TCF15: variants seen among roughly 807,000 people sequenced by gnomAD.
TCF15 encodes TCF-15.
A neutral mutation model predicts 11.1 loss-of-function variants in TCF15; 7 were observed. The ratio of observed to expected loss-of-function variants is 0.63; its 90% CI spans 0.36 to 1.19. The LOEUF is 1.19. Ranked by LOEUF, TCF15 falls within the 50% of genes most tolerant of loss-of-function variation. The pLI, the probability that TCF15 is intolerant of heterozygous loss-of-function variation, is 0.02. For missense variants in TCF15, 288 were observed against 289.4 expected (o/e 1.00, Z 0.03); for synonymous variants, 144 against 138.9 (o/e 1.04, Z -0.26).
chr20:608,121 G>A (rs887933517), intron 1 of TCF15, among the ~76,000 whole-genome samples: 2 of 152,136 alleles, frequency 1.3e-5, no homozygotes, highest in African/African-American at 4.8e-5. Flanking sequence ...ATGAGACACA[G>A]AAACCCTGTC....
chr20:609,047 G>C lies in TCF15; in HGVS notation c.525+666C>G, dbSNP rs45601331. On this transcript the variant is annotated intron_variant, in intron 1 of 1. Transcript: ENST00000246080. This position sits in a 1 kb window ranked among gnomAD's most constrained non-coding sequence, Gnocchi z 4.7. ...CCCTCTCCCAACACCACGTCCTTTT[G>C]GGGGCTGGGGACTCTCAGAGGGCCC... Among the ~76,000 whole-genome samples the C allele has an allele frequency of 5.1e-3, 780 of 152,174 alleles. 7 individuals carry two copies. Among genetic ancestry groups the C allele is most frequent in the African/African-American group, 0.018 (739 of 41,518 alleles).
chr20:607,073 G>A (rs777625944), intron 1 of TCF15, among the ~76,000 whole-genome samples: 11 of 152,180 alleles, frequency 7.2e-5, no homozygotes, highest in Non-Finnish European at 1.0e-4. Context: ...TAAAGCCTTG[G>A]CACAGTGTTG....
In TCF15 at chr20:610,192, G is replaced by A. The variant is rs1447741957; in HGVS notation, c.46C>T (p.Pro16Ser). Residue 16 changes from proline (P) to serine (S), a missense_variant, in exon 1 of 2, where the codon CCG (proline) becomes TCG (serine). Coordinates refer to ENST00000246080, the MANE Select transcript of TCF15 (RefSeq NM_004609.4). ...LRPVGAHVLYPDVRLLSEDEE... is the reference protein window; with the variant it reads ...LRPVGAHVLYSDVRLLSEDEE... ...TCCTCGCTCAGCAGCCGCACGTCCGGGTACAGCACGTGCGCGCCGACGGGC... is the reference window on the plus strand; with the variant it reads ...TCCTCGCTCAGCAGCCGCACGTCCGAGTACAGCACGTGCGCGCCGACGGGC... The A allele has an allele frequency of 9.6e-7, 1 of 1,043,178 alleles. No homozygotes were observed. The highest frequency in any genetic ancestry group is 1.2e-6 in the Non-Finnish European group (1 of 863,120). 64.6% of individuals were successfully genotyped at this position (1,043,178 alleles called of 1,614,324 possible).
intron 1 of TCF15, among the ~76,000 whole-genome samples, chr20:605,142 C>G (rs531283539): frequency 6.6e-6 from 1 of 152,178 alleles, no homozygotes; most frequent in Non-Finnish European, 1.5e-5. Context: ...AGGGGCCCAC[C>G]GCCACACCCG....
rs1182372651 is a variant in TCF15, at chr20:609,953, C to T, written c.285G>A (p.Leu95=). Residue 95 remains leucine (L), a synonymous_variant, in exon 1 of 2, where the codon CTG becomes CTA. Transcript: ENST00000246080. The surrounding 1 kb of genome is among the most constrained non-coding windows in gnomAD (Gnocchi z 4.7). ...TQSVNTAFTA[L]RTLIPTEPVD... ...CCGGCTCGGTGGGGATGAGCGTGCGCAGCGCCGTGAAGGCCGTGTTCACGC... is the reference window on the plus strand; with the variant it reads ...CCGGCTCGGTGGGGATGAGCGTGCGTAGCGCCGTGAAGGCCGTGTTCACGC... 6.7e-7 allele frequency: 1 copy of T among 1,490,974 alleles called. No homozygotes were observed. The highest frequency in any genetic ancestry group is 1.3e-5 in the South Asian group (1 of 76,046). The allele number at this position is 1,490,974 out of a possible 1,614,324, so 92.4% of individuals were successfully genotyped here. A position where few individuals can be genotyped will look rare whatever the true frequency, so the allele number is the denominator to read the frequency against.
Position 604,717 on chromosome 20 carries a change from A to G in TCF15, c.526-52T>C. On this transcript the variant is annotated intron_variant, in intron 1 of 1. Coordinates refer to ENST00000246080, the MANE Select transcript of TCF15 (RefSeq NM_004609.4). This position sits in a 1 kb window ranked among gnomAD's most constrained non-coding sequence, Gnocchi z 4.2. ...GAGGTTCGATTAGGCCAGTGTGAAC[A>G]CTGGAACTAACCTCTGTATCCCTCA... 7.3e-7 allele frequency: 1 copy of G among 1,378,526 alleles called. No homozygotes were observed. The highest frequency in any genetic ancestry group is 9.9e-7 in the Non-Finnish European group (1 of 1,014,598). The allele number at this position is 1,378,526 out of a possible 1,614,324, so 85.4% of individuals were successfully genotyped here.
At position 604,954 on chromosome 20, in the gene TCF15, A is replaced by T. The variant is rs889744932; in HGVS notation, c.526-289T>A. Among the ~76,000 whole-genome samples, 2 of 152,094 alleles carry T rather than the reference A, an allele frequency of 1.3e-5. No individual in the cohort carries two copies. The highest frequency in any genetic ancestry group is 2.9e-5 in the Non-Finnish European group (2 of 68,012). On this transcript the variant is annotated intron_variant, in intron 1 of 1. Transcript: ENST00000246080. The surrounding 1 kb of genome is among the most constrained non-coding windows in gnomAD (Gnocchi z 4.2). ...TTGTGAGTGGGTTTCTTCAGAGAGG[A>T]ATTTGATGATGGAGAGAGGATGGGA...
In TCF15 at chr20:609,406, T is replaced by G. The variant is rs2020002699; in HGVS notation, c.525+307A>C. 6.6e-6 allele frequency among the ~76,000 whole-genome samples: 1 copy of G among 152,200 alleles called. No individual in the cohort carries two copies. The highest frequency in any genetic ancestry group is 2.4e-5 in the African/African-American group (1 of 41,456). On this transcript the variant is annotated intron_variant, in intron 1 of 1. Transcript: ENST00000246080. The surrounding 1 kb of genome is among the most constrained non-coding windows in gnomAD (Gnocchi z 4.7). ...AGGAAGACTCCATAAAAGATGGGTC[T>G]TTGTTACTCAGTCCTCATGCCGTCT...
chr20:609,613 G>A lies in TCF15; in HGVS notation c.525+100C>T. The stretch of plus-strand genomic sequence containing the variant: ...CACGAATTCCACGTCGCTTCCCCCT[G>A]GCCTCGTTGGGGACCCCTGCACCTC... On this transcript the variant is annotated intron_variant, in intron 1 of 1. Coordinates refer to ENST00000246080, the MANE Select transcript of TCF15 (RefSeq NM_004609.4). This position sits in a 1 kb window ranked among gnomAD's most constrained non-coding sequence, Gnocchi z 4.7. 1 of 1,265,060 alleles carries A rather than the reference G, an allele frequency of 7.9e-7. No homozygotes were observed. The allele number at this position is 1,265,060 out of a possible 1,614,324, so 78.4% of individuals were successfully genotyped here. A position where few individuals can be genotyped will look rare whatever the true frequency, so the allele number is the denominator to read the frequency against.
chr20:608,417 T>C (rs1048339356), intron 1 of TCF15, among the ~76,000 whole-genome samples: 1 of 152,046 alleles, frequency 6.6e-6, no homozygotes, highest in African/African-American at 2.4e-5. Context: ...GGCCCTCCCA[T>C]CCCAGGAAGC....
chr20:610,171 C>G lies in TCF15; in HGVS notation c.67G>C (p.Glu23Gln). 1 of 1,054,958 alleles carries G rather than the reference C, an allele frequency of 9.5e-7. No homozygotes were observed. Among genetic ancestry groups the G allele is most frequent in the Non-Finnish European group, 1.2e-6 (1 of 869,328 alleles). The allele number at this position is 1,054,958 out of a possible 1,614,324, so 65.3% of individuals were successfully genotyped here. ...CTCTCGCTGCGGTTCTCCTCGTCCTCGCTCAGCAGCCGCACGTCCGGGTAC... is the reference window on the plus strand; with the variant it reads ...CTCTCGCTGCGGTTCTCCTCGTCCTGGCTCAGCAGCCGCACGTCCGGGTAC... ...VLYPDVRLLS[E>Q]DEENRSESDA... The change falls in exon 1 of 2, where the codon GAG (glutamate) becomes CAG (glutamine). Residue 23 changes from glutamate to glutamine, a missense_variant. By Grantham distance (29) the Glu-to-Gln change is conservative (BLOSUM62 2). Transcript: ENST00000246080.
At chr20:606,094 G>A (rs2019972288) in intron 1 of TCF15, among the ~76,000 whole-genome samples, 2 of 152,168 alleles carry the variant, frequency 1.3e-5, no homozygotes, top group Admixed American at 1.3e-4. Context: ...GATCCATCCA[G>A]ATGCGAGCCC....
chr20:610,073 G>T lies in TCF15; in HGVS notation c.165C>A (p.Gly55=). 1 of 987,886 alleles carries T rather than the reference G, an allele frequency of 1.0e-6. No individual in the cohort carries two copies. The highest frequency in any genetic ancestry group is 1.2e-6 in the Non-Finnish European group (1 of 833,370). 61.2% of individuals were successfully genotyped at this position (987,886 alleles called of 1,614,324 possible). A position where few individuals can be genotyped will look rare whatever the true frequency, so the allele number is the denominator to read the frequency against. Residue 55 remains glycine (G), a synonymous_variant, in exon 1 of 2, where the codon GGC becomes GGA. Coordinates refer to ENST00000246080, the MANE Select transcript of TCF15 (RefSeq NM_004609.4). ...CGCCGCCGCCGCCCGCCCGCCGCCCGCCCCCGGGGCCCGGGCCGCGCCGCG... is the reference window on the plus strand; with the variant it reads ...CGCCGCCGCCGCCCGCCCGCCGCCCTCCCCCGGGGCCCGGGCCGCGCCGCG... ...EAARRGPGPG[G]GRRAGGGGGA...
rs2019955463 is a variant in TCF15 at position 604,465 on chromosome 20, A to C, written c.*126T>G. 2.3e-6 allele frequency: 2 copies of C among 872,418 alleles called. No individual in the cohort carries two copies. The highest frequency in any genetic ancestry group is 3.3e-5 in the African/African-American group (2 of 59,994). 54.0% of individuals were successfully genotyped at this position (872,418 alleles called of 1,614,324 possible). On this transcript the variant is annotated 3_prime_UTR_variant, in exon 2 of 2. Coordinates refer to ENST00000246080, the MANE Select transcript of TCF15 (RefSeq NM_004609.4). This position sits in a 1 kb window ranked among gnomAD's most constrained non-coding sequence, Gnocchi z 4.2. ...TGGAGATGTCCCGAGGGCCCTGCCC[A>C]GAGTGTCCCGGAACAGGCCATGGTC...
In TCF15 at chr20:610,186, C is replaced by A. The variant is rs1021029199; in HGVS notation, c.52G>T (p.Val18Leu). 3.8e-6 allele frequency: 4 copies of A among 1,049,550 alleles called. No individual in the cohort carries two copies. Among genetic ancestry groups the A allele is most frequent in the Non-Finnish European group, 4.6e-6 (4 of 867,196 alleles). The allele number at this position is 1,049,550 out of a possible 1,614,324, so 65.0% of individuals were successfully genotyped here. A position where few individuals can be genotyped will look rare whatever the true frequency, so the allele number is the denominator to read the frequency against. Residue 18 changes from valine to leucine, a missense_variant, in exon 1 of 2, where the codon GTG becomes TTG. Coordinates refer to ENST00000246080, the MANE Select transcript of TCF15 (RefSeq NM_004609.4). ...TCCTCGTCCTCGCTCAGCAGCCGCA[C>A]GTCCGGGTACAGCACGTGCGCGCCG... is the stretch of plus-strand genomic sequence containing the variant. ...PVGAHVLYPDVRLLSEDEENR... is the reference protein window; with the variant it reads ...PVGAHVLYPDLRLLSEDEENR...
chr20:610,019 C>T lies in TCF15; in HGVS notation c.219G>A (p.Gln73=). Residue 73 remains glutamine (Q), a synonymous_variant, in exon 1 of 2, where the codon CAG becomes CAA. Coordinates refer to ENST00000246080, the MANE Select transcript of TCF15 (RefSeq NM_004609.4). ...GCTCCCGCGCGTTGGCCGCCTGCCG[C>T]TGTCGCACCACCACCACGGGGCCCG... ...GGAGPVVVVR[Q]RQAANARERD... 1.5e-6 allele frequency: 2 copies of T among 1,324,416 alleles called. No homozygotes were observed. The highest frequency in any genetic ancestry group is 1.9e-6 in the Non-Finnish European group (2 of 1,032,212). 82.0% of individuals were successfully genotyped at this position (1,324,416 alleles called of 1,614,324 possible).
chr20:605,615 A>C (rs2019967293), intron 1 of TCF15, among the ~76,000 whole-genome samples: 1 of 152,198 alleles, frequency 6.6e-6, no homozygotes, highest in Non-Finnish European at 1.5e-5. Context: ...TTGGCCCAGG[A>C]CCTGACTTGG....
In TCF15 at chr20:609,604, C is replaced by A; in HGVS notation, c.525+109G>T. 1 of 1,242,240 alleles carries A rather than the reference C, an allele frequency of 8.0e-7. No individual in the cohort carries two copies. Among genetic ancestry groups the A allele is most frequent in the Non-Finnish European group, 1.0e-6 (1 of 983,040 alleles). The allele number at this position is 1,242,240 out of a possible 1,614,324, so 77.0% of individuals were successfully genotyped here. ...CGCACCCAGCACGAATTCCACGTCG[C>A]TTCCCCCTGGCCTCGTTGGGGACCC... is the stretch of plus-strand genomic sequence containing the variant. On this transcript the variant is annotated intron_variant, in intron 1 of 1. Transcript: ENST00000246080. This position sits in a 1 kb window ranked among gnomAD's most constrained non-coding sequence, Gnocchi z 4.7.
In TCF15 at chr20:610,145, G is replaced by A. The variant is rs1360046575; in HGVS notation, c.93C>T (p.Ser31=). 1.9e-6 allele frequency: 2 copies of A among 1,033,316 alleles called. No individual in the cohort carries two copies. The highest frequency in any genetic ancestry group is 2.3e-6 in the Non-Finnish European group (2 of 855,766). The allele number at this position is 1,033,316 out of a possible 1,614,324, so 64.0% of individuals were successfully genotyped here. ...AGCCGAACGACTGGTCCGACGCGTC[G>A]CTCTCGCTGCGGTTCTCCTCGTCCT... is the stretch of plus-strand genomic sequence containing the variant. ...LSEDEENRSE[S]DASDQSFGCC... Residue 31 remains serine (S), a synonymous_variant, in exon 1 of 2, where the codon AGC becomes AGT. Coordinates refer to ENST00000246080, the MANE Select transcript of TCF15 (RefSeq NM_004609.4).
Sources: allele counts gnomAD v4.1 joint callset (sites outside exome capture counted in the v4.1 genomes callset), GRCh38; gene constraint gnomAD v4.1.1; non-coding constraint Gnocchi (gnomAD v3.1); transcripts MANE v1.5; gene names NCBI Gene and HGNC (gene_info 2026-07-23, HGNC 2026-07-21).